The following CPNE4 variants were observed in gnomAD, a reference collection of about 807,000 sequenced individuals.
The protein encoded by CPNE4 is copine-4.
Under a neutral mutation model 67.9 loss-of-function variants are expected in CPNE4, and 25 were observed. The observed-to-expected ratio is 0.37, with a 90% CI of 0.27 to 0.51. CPNE4 has a LOEUF of 0.51. Among genes scored for constraint, CPNE4 ranks in the 20% least tolerant of loss-of-function variants. The pLI, the probability that CPNE4 is intolerant of heterozygous loss-of-function variation, is 0.93. For synonymous variants in CPNE4, 242 were observed against 244.9 expected (o/e 0.99, Z 0.11); for missense variants, 464 against 690.8 (o/e 0.67, Z 3.68).
chr3:131,590,914 G>A (rs1269534921), intron 7 of CPNE4, among the ~76,000 whole-genome samples: 1 of 152,168 alleles, frequency 6.6e-6, no homozygotes, highest in African/African-American at 2.4e-5. Flanking sequence ...GTGATGGGAA[G>A]CCCTTTAATT....
chr3:131,801,363 TATA>T (rs1441718546), intron 2 of CPNE4, among the ~76,000 whole-genome samples: 1 of 137,610 alleles, frequency 7.3e-6, no homozygotes, highest in Non-Finnish European at 1.6e-5. Context: ...ACCATATATA[TATA>T]TGTACCATAT....
intron 2 of CPNE4, among the ~76,000 whole-genome samples, chr3:131,747,393 G>C (rs892794662): frequency 6.6e-6 from 1 of 151,896 alleles, no homozygotes; most frequent in African/African-American, 2.4e-5. Context: ...TCCTCTAGTA[G>C]CTTTGTAGTT....
At chr3:131,611,080 A>G (rs1289709315) in intron 7 of CPNE4, among the ~76,000 whole-genome samples, 1 of 152,184 alleles carries the variant, frequency 6.6e-6, no homozygotes. Context: ...ATTTATCAGG[A>G]GTCTTTTTTT....
At chr3:131,573,330 GTGT>G (rs1467529811) in intron 10 of CPNE4, among the ~76,000 whole-genome samples, 3 of 152,086 alleles carry the variant, frequency 2.0e-5, no homozygotes, top group African/African-American at 7.2e-5. Context: ...TGCAACTGGG[GTGT>G]TGTTGGTGAC....
At chr3:131,641,644 A>G (rs1229682236) in intron 7 of CPNE4, among the ~76,000 whole-genome samples, 1 of 152,216 alleles carries the variant, frequency 6.6e-6, no homozygotes, top group Admixed American at 6.5e-5. Context: ...TTGATCTAGC[A>G]ATTCTACTAC....
At chr3:132,003,407 A>G (rs1468594585) in intron 1 of CPNE4, among the ~76,000 whole-genome samples, 1 of 151,920 alleles carries the variant, frequency 6.6e-6, no homozygotes. Flanking sequence ...CAGTCTACTC[A>G]CCCTCTGCTG....
At chr3:131,872,849 G>A (rs1380455733) in intron 2 of CPNE4, among the ~76,000 whole-genome samples, 3 of 152,200 alleles carry the variant, frequency 2.0e-5, no homozygotes, top group Admixed American at 6.5e-5. Flanking sequence ...TCACACATGT[G>A]AGTGAATGAC....
chr3:132,017,199 C>T (rs1032611613), intron 1 of CPNE4, among the ~76,000 whole-genome samples: 3 of 150,992 alleles, frequency 2.0e-5, no homozygotes, highest in South Asian at 2.1e-4. Context: ...TGAAGAAAGG[C>T]GGTAAGGAAT....
chr3:131,998,108 G>A (rs966754942), intron 1 of CPNE4, among the ~76,000 whole-genome samples: 13 of 152,126 alleles, frequency 8.5e-5, no homozygotes, highest in African/African-American at 3.1e-4. Context: ...GGACCTGGAT[G>A]TAGATATCAT....
chr3:131,701,794 G>A (rs955438892), intron 3 of CPNE4, among the ~76,000 whole-genome samples: 1 of 152,164 alleles, frequency 6.6e-6, no homozygotes, highest in South Asian at 2.1e-4. Context: ...AATATATGAA[G>A]AGGACTCAGA....
At position 131,840,305 on chromosome 3, in the gene CPNE4, G is replaced by A. The variant is rs528104374; in HGVS notation, c.180+64959C>T. On this transcript the variant is annotated intron_variant, in intron 2 of 15. Transcript: ENST00000429747. ...AGTGAGCCCTGTCAGCAGCCAAAGA[G>A]TGACACAGAACTAGTGAATTGGAAT... Among the ~76,000 whole-genome samples, 67 of 152,238 alleles carry A rather than the reference G, an allele frequency of 4.4e-4. 2 individuals carry two copies. The East Asian group carries it at 6.0e-3, about 14-fold the overall frequency.
intron 11 of CPNE4, among the ~76,000 whole-genome samples, chr3:131,561,557 C>CTGT (rs1254963019): frequency 6.6e-6 from 1 of 151,992 alleles, no homozygotes; most frequent in Middle Eastern, 3.2e-3. Context: ...ATCTCTCAAG[C>CTGT]TGTTCTACCT....
rs1170450052 is a variant in CPNE4, at chr3:131,792,620, TATATATATATACACAC to T, written c.181-69011_181-68996del. On this transcript the variant is annotated intron_variant, in intron 2 of 15. Coordinates refer to ENST00000429747, the MANE Select transcript of CPNE4 (RefSeq NM_130808.3). ...ATGTATATGTGTGTGTGTATATATGTATATATATATACACACGTGTATATATGTATATATACACACG... is the reference window on the plus strand; with the variant it reads ...ATGTATATGTGTGTGTGTATATATGTGTGTATATATGTATATATACACACG... 3.9e-4 allele frequency among the ~76,000 whole-genome samples: 29 copies of T among 74,672 alleles called. 1 individual carries two copies. The highest frequency in any genetic ancestry group is 1.4e-3 in the South Asian group (3 of 2,218). 49.0% of individuals were successfully genotyped at this position (74,672 alleles called of 152,430 possible).
chr3:131,886,173 C>T (rs1218651799), intron 2 of CPNE4, among the ~76,000 whole-genome samples: 2 of 152,210 alleles, frequency 1.3e-5, no homozygotes, highest in Non-Finnish European at 2.9e-5. Flanking sequence ...CCGTGTGCAG[C>T]CTAGGGACTT....
intron 7 of CPNE4, among the ~76,000 whole-genome samples, chr3:131,593,188 A>C (rs775319569): frequency 6.6e-6 from 1 of 152,186 alleles, no homozygotes; most frequent in Non-Finnish European, 1.5e-5. Context: ...TGCTTTTTCC[A>C]TTTCTGTAAA....
chr3:131,888,872 T>A (rs1236738541), intron 2 of CPNE4, among the ~76,000 whole-genome samples: 1 of 152,190 alleles, frequency 6.6e-6, no homozygotes, highest in African/African-American at 2.4e-5. Flanking sequence ...ATTGTTAAAT[T>A]TTCTTACTAA....
intron 1 of CPNE4, among the ~76,000 whole-genome samples, chr3:132,022,162 T>A (rs6779334): frequency 6.6e-6 from 1 of 152,050 alleles, no homozygotes; most frequent in Non-Finnish European, 1.5e-5. Flanking sequence ...GCAGGTCTGG[T>A]CTTCCCTGAG....
At chr3:132,015,580 T>G (rs988451310) in intron 1 of CPNE4, among the ~76,000 whole-genome samples, 1 of 152,108 alleles carries the variant, frequency 6.6e-6, no homozygotes, top group Non-Finnish European at 1.5e-5. Context: ...AACTTTTCAA[T>G]AATCAGTCAA....
chr3:131,629,904 T>TTC (rs144642297), intron 7 of CPNE4, among the ~76,000 whole-genome samples: 14 of 150,716 alleles, frequency 9.3e-5, no homozygotes, highest in South Asian at 2.1e-4. Flanking sequence ...CTCTCTCTCG[T>TTC]TCTCTCTCTC....
Sources: allele counts gnomAD v4.1 joint callset (sites outside exome capture counted in the v4.1 genomes callset), GRCh38; gene constraint gnomAD v4.1.1; transcripts MANE v1.5; gene names NCBI Gene and HGNC (gene_info 2026-07-23, HGNC 2026-07-21).